RNH1: variants seen among roughly 807,000 people sequenced by gnomAD.
RNH1 encodes ribonuclease/angiogenin inhibitor 1, also known as ribonuclease inhibitor.
In RNH1, 38 loss-of-function variants were observed where a neutral mutation model predicts 46.1. That is an observed-to-expected ratio of 0.82 (90% CI 0.64 to 1.08). The LOEUF (loss-of-function observed/expected upper bound fraction) is 1.08, where lower values mean the gene tolerates loss of function less well. Among genes scored for constraint, RNH1 ranks in the 50% least tolerant of loss-of-function variants. The pLI is 0.00. For synonymous variants in RNH1, 319 were observed against 279.1 expected (o/e 1.14, Z -1.43); for missense variants, 577 against 590.7 (o/e 0.98, Z 0.24).
intron 7 of RNH1, 60 bp downstream of exon 7, chr11:498,703 G>A: frequency 1.3e-6 from 2 of 1,594,654 alleles, no homozygotes; most frequent in Non-Finnish European, 8.5e-7. Context: ...GCGGGGGAGA[G>A]CTCTGAGGAC....
intron 9 of RNH1, 63 bp downstream of exon 9, chr11:497,907 CT>C (rs997773056): frequency 1.3e-6 from 2 of 1,552,350 alleles, no homozygotes; most frequent in African/African-American, 2.7e-5. Flanking sequence ...CACTCTCGCC[CT>C]TGTGTGCACA....
Position 498,765 on chromosome 11 carries a change from C to T in RNH1, c.783G>A (p.Leu261=). ...LLHPSSRLRT[L]WIWECGITAK... ...GAGGCCTCGCGGAGATGACTCACCACAGGGTCCTGAGCCTGGAGCTGGGGT... is the reference window on the plus strand; with the variant it reads ...GAGGCCTCGCGGAGATGACTCACCATAGGGTCCTGAGCCTGGAGCTGGGGT... The change falls in exon 7 of 11, where the codon CTG becomes CTA. Residue 261 remains leucine, a splice_region_variant and synonymous_variant. Coordinates refer to ENST00000354420, the MANE Select transcript of RNH1 (RefSeq NM_203387.3). 1 of 1,598,590 alleles carries T rather than the reference C, an allele frequency of 6.3e-7. No individual in the cohort carries two copies. Among genetic ancestry groups the T allele is most frequent in the South Asian group, 1.1e-5 (1 of 90,572 alleles).
At position 502,166 on chromosome 11, in the gene RNH1, G is replaced by A. The variant is rs1335232342; in HGVS notation, c.-4C>T. Reference sequence around the variant, plus strand: ...GGCTCTGGATGTCCAGGCTCATGGTGGAGGTGAAGAGTGGCCTGGGTGGGA... The same window carrying A: ...GGCTCTGGATGTCCAGGCTCATGGTAGAGGTGAAGAGTGGCCTGGGTGGGA... On this transcript the variant is annotated 5_prime_UTR_variant, in exon 3 of 11. Coordinates refer to ENST00000354420, the MANE Select transcript of RNH1 (RefSeq NM_203387.3). This position sits in a 1 kb window ranked among gnomAD's most constrained non-coding sequence, Gnocchi z 5.8. The A allele has an allele frequency of 6.2e-7, 1 of 1,606,146 alleles. No individual in the cohort carries two copies.
Position 502,498 on chromosome 11 carries a change from GA to G in RNH1, c.-87-250del, listed in dbSNP as rs1849835738. The G allele has an allele frequency of 2.4e-6, 1 of 408,806 alleles. No individual in the cohort carries two copies. 25.3% of individuals were successfully genotyped at this position (408,806 alleles called of 1,614,324 possible). A position where few individuals can be genotyped will look rare whatever the true frequency, so the allele number is the denominator to read the frequency against. ...TGTGGGCACCTCCTCCTGCCCCACA[GA>G]GGGCGGGACAGCAGCAGCCCGGGAA... On this transcript the variant is annotated intron_variant, in intron 2 of 10. Transcript: ENST00000354420. This position sits in a 1 kb window ranked among gnomAD's most constrained non-coding sequence, Gnocchi z 5.8.
chr11:499,199 G>C lies in RNH1; in HGVS notation c.444-14C>G, dbSNP rs1183603605. On this transcript the variant is annotated splice_polypyrimidine_tract_variant and intron_variant, in intron 5 of 10. Transcript: ENST00000354420. ...CAATACTCCAGCCTGGGGGACAGCAGAGCTCAGCACCACACAGGAATGTGC... is the reference window on the plus strand; with the variant it reads ...CAATACTCCAGCCTGGGGGACAGCACAGCTCAGCACCACACAGGAATGTGC... The C allele has an allele frequency of 6.2e-7, 1 of 1,610,674 alleles. No individual in the cohort carries two copies. Among genetic ancestry groups the C allele is most frequent in the South Asian group, 1.1e-5 (1 of 91,070 alleles).
intron 9 of RNH1, among the ~76,000 whole-genome samples, chr11:496,710 G>A (rs1396681702): frequency 1.3e-5 from 2 of 152,366 alleles, no homozygotes; most frequent in Admixed American, 6.5e-5. Flanking sequence ...AATGGTGCAT[G>A]CTATACCCGG....
At chr11:494,840 T>C in intron 10 of RNH1, 43 bp downstream of exon 10, 1 of 1,572,772 alleles carries the variant, frequency 6.4e-7, no homozygotes, top group Non-Finnish European at 8.7e-7. Flanking sequence ...CCTTCCTCCC[T>C]GGGCAGCCCT....
Position 500,069 on chromosome 11 carries a change from C to G in RNH1, c.273-70G>C, listed in dbSNP as rs1849602217. 3.4e-6 allele frequency: 5 copies of G among 1,456,346 alleles called. No homozygotes were observed. In the Middle Eastern group the frequency reaches 7.4e-4, roughly 217 times the overall value. The allele number at this position is 1,456,346 out of a possible 1,614,324, so 90.2% of individuals were successfully genotyped here. A position where few individuals can be genotyped will look rare whatever the true frequency, so the allele number is the denominator to read the frequency against. On this transcript the variant is annotated intron_variant, in intron 4 of 10. Coordinates refer to ENST00000354420, the MANE Select transcript of RNH1 (RefSeq NM_203387.3). ...GCCACGCCCTTCGCCTGCCAGAGCC[C>G]AGAGCCCGGAGCAGCACTCTTCAGG... is the stretch of plus-strand genomic sequence containing the variant.
intron 5 of RNH1, 135 bp from the exon 6 acceptor site, chr11:499,320 A>C: frequency 1.1e-6 from 1 of 910,092 alleles, no homozygotes; most frequent in Non-Finnish European, 1.7e-6. Flanking sequence ...GTGCTGAGGG[A>C]CCCCCACAGA....
At chr11:500,688 C>T (rs1182942489) in intron 3 of RNH1, 34 bp from the exon 4 acceptor site, 2 of 1,599,290 alleles carry the variant, frequency 1.3e-6, no homozygotes, top group African/African-American at 1.3e-5. Context: ...GTGGACCACG[C>T]AGACAGCACT....
At chr11:495,109 C>T (rs982110459) in intron 9 of RNH1, 56 bp from the exon 10 acceptor site, 20 of 1,543,494 alleles carry the variant, frequency 1.3e-5, no homozygotes, top group East Asian at 7.0e-5. Context: ...CCGCACTGAC[C>T]GGCAGAGCAG....
chr11:494,573 G>T lies in RNH1; in HGVS notation c.*118C>A, dbSNP rs765134949. The stretch of plus-strand genomic sequence containing the variant: ...CCAAAATATACTGGCAGAAATAAGC[G>T]GATCTGAGCGTTTCTCTTCAAACCT... On this transcript the variant is annotated 3_prime_UTR_variant, in exon 11 of 11. Coordinates refer to ENST00000354420, the MANE Select transcript of RNH1 (RefSeq NM_203387.3). 2.4e-6 allele frequency: 2 copies of T among 848,540 alleles called. No individual in the cohort carries two copies. Among genetic ancestry groups the T allele is most frequent in the African/African-American group, 1.7e-5 (1 of 58,610 alleles). The allele number at this position is 848,540 out of a possible 1,614,324, so 52.6% of individuals were successfully genotyped here.
intron 9 of RNH1, among the ~76,000 whole-genome samples, chr11:496,100 GAAA>G (rs146139221): frequency 1.3e-5 from 2 of 152,024 alleles, no homozygotes; most frequent in African/African-American, 4.8e-5. Context: ...AAAGGAGAGA[GAAA>G]AAAATCACCA....
At chr11:503,628 C>T (rs1177767394) in intron 2 of RNH1, 1 of 15,524 alleles carries the variant, frequency 6.4e-5, no homozygotes, top group Admixed American at 7.8e-4. Context: ...GGCGGGAGGG[C>T]GGGTGGAAGG....
intron 2 of RNH1, among the ~76,000 whole-genome samples, chr11:503,836 C>T (rs899153346): frequency 1.3e-4 from 20 of 152,130 alleles, no homozygotes; most frequent in Non-Finnish European, 2.8e-4. Context: ...ACCCCTCAGG[C>T]TTGGCCAGAC....
At chr11:494,816 C>A (rs756394474) in intron 10 of RNH1, 38 bp from the exon 11 acceptor site, 49 of 1,611,868 alleles carry the variant, frequency 3.0e-5, no homozygotes, top group Non-Finnish European at 4.0e-5. Context: ...GGCCCGTGTC[C>A]TCCCCCACCC....
chr11:503,802 C>T (rs1205772779), intron 2 of RNH1, among the ~76,000 whole-genome samples: 3 of 152,256 alleles, frequency 2.0e-5, no homozygotes, highest in Non-Finnish European at 4.4e-5. Flanking sequence ...CTGCAACTAG[C>T]GCTGCGGGAG....
In RNH1 at chr11:494,741, G is replaced by T. The variant is rs367811812; in HGVS notation, c.1336C>A (p.Arg446=). The change falls in exon 11 of 11, where the codon CGG becomes AGG. Residue 446 remains arginine, a synonymous_variant. Coordinates refer to ENST00000354420, the MANE Select transcript of RNH1 (RefSeq NM_203387.3). ...TTGTCCTTCTCCAGGGCCTGCAGCCGGTCCTCCATCTCCTCAGACCAGTAA... is the reference window on the plus strand; with the variant it reads ...TTGTCCTTCTCCAGGGCCTGCAGCCTGTCCTCCATCTCCTCAGACCAGTAA... The part of the protein sequence containing the change: ...DIYWSEEMED[R]LQALEKDKPS... 1 of 1,613,884 alleles carries T rather than the reference G, an allele frequency of 6.2e-7. No homozygotes were observed. Among genetic ancestry groups the T allele is most frequent in the Admixed American group, 1.7e-5 (1 of 60,002 alleles).
At position 498,136 on chromosome 11, in the gene RNH1, T is replaced by C. The variant is rs1849349205; in HGVS notation, c.962A>G (p.Lys321Arg). The C allele has an allele frequency of 6.2e-7, 1 of 1,613,098 alleles. No homozygotes were observed. The highest frequency in any genetic ancestry group is 8.5e-7 in the Non-Finnish European group (1 of 1,179,618). The change falls in exon 9 of 11, where the codon AAG becomes AGG. Residue 321 changes from lysine to arginine, a missense_variant. Transcript: ENST00000354420. ...GCAGGCGGCTGTGAAGCTGCAGGAC[T>C]TCACCCTGTGGACACAGACAGGACT... Reference protein sequence around the residue: ...PGCQLESLWVKSCSFTAACCS... With the variant: ...PGCQLESLWVRSCSFTAACCS...
Sources: allele counts gnomAD v4.1 joint callset (sites outside exome capture counted in the v4.1 genomes callset), GRCh38; gene constraint gnomAD v4.1.1; non-coding constraint Gnocchi (gnomAD v3.1); transcripts MANE v1.5; gene names NCBI Gene and HGNC (gene_info 2026-07-23, HGNC 2026-07-21).